The following DACH2 variants were observed in gnomAD, a reference collection of about 807,000 sequenced individuals.
DACH2 encodes the protein dachshund homolog 2.
A neutral mutation model predicts 35.8 loss-of-function variants in DACH2; 17 were observed. The observed-to-expected ratio is 0.48, with a 90% CI of 0.33 to 0.71. DACH2 has a LOEUF of 0.71. Ranked by LOEUF, DACH2 falls within the 30% of genes least tolerant of loss-of-function variation. The pLI is 0.02. For synonymous variants in DACH2, 195 were observed against 177.3 expected, an observed-to-expected ratio of 1.10 and a Z score of -0.79; for missense variants, 469 against 472.7, an observed-to-expected ratio of 0.99 and a Z score of 0.07.
intron 3 of DACH2, among the ~76,000 whole-genome samples, chrX:86,539,040 G>C (rs1335933321): frequency 9.0e-6 from 1 of 110,803 alleles, no homozygotes; most frequent in Non-Finnish European, 1.9e-5. Context: ...AGAGGCTGAT[G>C]AGATACTAAT....
intron 7 of DACH2, among the ~76,000 whole-genome samples, chrX:86,765,192 G>A (rs1411172711): frequency 1.8e-5 from 2 of 111,251 alleles, no homozygotes; most frequent in Non-Finnish European, 3.8e-5. Context: ...TTACTCCATT[G>A]GTAATTTATT....
intron 2 of DACH2, among the ~76,000 whole-genome samples, chrX:86,502,003 TTTCCTTC>T (rs1414698293): frequency 1.2e-5 from 1 of 84,733 alleles, no homozygotes; most frequent in Admixed American, 1.2e-4. Context: ...ATAATCCTTC[TTTCCTTC>T]TTTCCTTCCT....
chrX:86,208,588 A>G (rs1015537304), intron 1 of DACH2, among the ~76,000 whole-genome samples: 1 of 111,609 alleles, frequency 9.0e-6, no homozygotes, highest in African/African-American at 3.2e-5. Flanking sequence ...CAGTTTTAGC[A>G]CAGTATGTAT....
chrX:86,548,149 A>G (rs1345303521), intron 3 of DACH2, among the ~76,000 whole-genome samples: 1 of 111,486 alleles, frequency 9.0e-6, no homozygotes, highest in South Asian at 3.7e-4. Flanking sequence ...ATTTCAGCTA[A>G]TCTACTTAGT....
chrX:86,236,321 A>G (rs908841203), intron 1 of DACH2, among the ~76,000 whole-genome samples: 1 of 112,273 alleles, frequency 8.9e-6, no homozygotes, highest in Admixed American at 9.5e-5. Flanking sequence ...CATTGTGGAC[A>G]CATAAGTGCT....
chrX:86,428,711 G>C (rs2148167259), intron 2 of DACH2, among the ~76,000 whole-genome samples: 1 of 109,294 alleles, frequency 9.1e-6, no homozygotes, highest in South Asian at 3.9e-4. Flanking sequence ...CGCCAGACAA[G>C]ACTATACCAT....
intron 7 of DACH2, among the ~76,000 whole-genome samples, chrX:86,811,711 C>A (rs774523254): frequency 9.0e-6 from 1 of 111,725 alleles, no homozygotes; most frequent in African/African-American, 3.2e-5. Context: ...CCCGAGATTA[C>A]CTCTCTGTGG....
At chrX:86,485,936 C>T (rs971528980) in intron 2 of DACH2, among the ~76,000 whole-genome samples, 3 of 111,710 alleles carry the variant, frequency 2.7e-5, no homozygotes, top group African/African-American at 9.8e-5. Context: ...TCTTAAATGC[C>T]AGCTCTGACA....
chrX:86,469,415 C>T (rs2037727187), intron 2 of DACH2, among the ~76,000 whole-genome samples: 1 of 110,436 alleles, frequency 9.1e-6, no homozygotes, highest in African/African-American at 3.3e-5. Flanking sequence ...TAGCCATTCC[C>T]CAATGTATAT....
intron 6 of DACH2, among the ~76,000 whole-genome samples, chrX:86,718,047 G>A (rs182660570): frequency 9.1e-6 from 1 of 109,954 alleles, no homozygotes; most frequent in South Asian, 3.8e-4. Flanking sequence ...GTTGGATTGA[G>A]TGGTAGTTCT....
At chrX:86,285,968 A>G (rs1444069680) in intron 1 of DACH2, among the ~76,000 whole-genome samples, 1 of 95,093 alleles carries the variant, frequency 1.1e-5, no homozygotes, top group Non-Finnish European at 2.1e-5. Flanking sequence ...TCTGATATAA[A>G]TGTAGGTACT....
At chrX:86,318,980 G>C (rs755784270) in intron 1 of DACH2, among the ~76,000 whole-genome samples, 1 of 112,012 alleles carries the variant, frequency 8.9e-6, no homozygotes, top group African/African-American at 3.2e-5. Context: ...TTTTACCCTT[G>C]CATTAATTTG....
chrX:86,535,020 T>C (rs1432986532), intron 3 of DACH2, among the ~76,000 whole-genome samples: 1 of 112,404 alleles, frequency 8.9e-6, no homozygotes, highest in African/African-American at 3.2e-5. Flanking sequence ...TTTTATATCA[T>C]GCACATTATT....
intron 2 of DACH2, among the ~76,000 whole-genome samples, chrX:86,493,422 G>A (rs1269835499): frequency 9.0e-6 from 1 of 111,309 alleles, no homozygotes; most frequent in African/African-American, 3.3e-5. Flanking sequence ...AAAGCAAAAA[G>A]TTAGAATTCA....
chrX:86,314,514 T>C (rs2034860357), intron 1 of DACH2, among the ~76,000 whole-genome samples: 1 of 110,761 alleles, frequency 9.0e-6, no homozygotes, highest in Admixed American at 9.7e-5. Flanking sequence ...CAAGACTCTG[T>C]GTGTTAAAAA....
intron 3 of DACH2, among the ~76,000 whole-genome samples, chrX:86,631,275 G>T (rs746391673): frequency 1.8e-5 from 2 of 111,698 alleles, no homozygotes; most frequent in Non-Finnish European, 3.8e-5. Context: ...CAGAGCCTAG[G>T]CATCTACTGA....
chrX:86,394,808 T>A (rs1028615121), intron 2 of DACH2, among the ~76,000 whole-genome samples: 9 of 111,907 alleles, frequency 8.0e-5, no homozygotes, highest in African/African-American at 2.9e-4. Context: ...TTAGGAAATA[T>A]AGCCCAGGGT....
Position 86,482,240 on chromosome X carries a change from A to G in DACH2, c.528-32039A>G, listed in dbSNP as rs2037948128. ...TTATTCCACATTGTATTCATAAATTATAACATCACTTTGTAACCCATAAAT... is the reference window on the plus strand; with the variant it reads ...TTATTCCACATTGTATTCATAAATTGTAACATCACTTTGTAACCCATAAAT... On this transcript the variant is annotated intron_variant, in intron 2 of 11. Coordinates refer to ENST00000373125, the MANE Select transcript of DACH2 (RefSeq NM_053281.3). 4.4e-5 allele frequency among the ~76,000 whole-genome samples: 5 copies of G among 112,481 alleles called. No individual in the cohort carries two copies. The South Asian group carries it at 1.8e-3, about 41-fold the overall frequency.
intron 1 of DACH2, among the ~76,000 whole-genome samples, chrX:86,272,799 G>A (rs2033838958): frequency 1.8e-5 from 2 of 111,715 alleles, no homozygotes; most frequent in African/African-American, 3.2e-5. Context: ...TTTTAATGAA[G>A]AAAATCTTTC....
Sources: gnomAD v4.1 joint callset for allele counts (sites outside exome capture counted in the v4.1 genomes callset) on GRCh38, gnomAD v4.1.1 for gene constraint, MANE v1.5 for transcripts, NCBI Gene and HGNC (gene_info 2026-07-23, HGNC 2026-07-21) for gene names.